Variants in PALLD observed in about 807,000 individuals in gnomAD.
PALLD encodes the protein palladin, cytoskeletal associated protein.
A neutral mutation model predicts 123.5 loss-of-function variants in PALLD; 61 were observed. The observed-to-expected ratio is 0.49, with a 90% CI of 0.40 to 0.61. The LOEUF is 0.61. PALLD is among the 20% of genes least tolerant of loss of function. The pLI, the probability that PALLD is intolerant of heterozygous loss-of-function variation, is 0.00. For synonymous variants in PALLD, 465 were observed against 496.4 expected, an observed-to-expected ratio of 0.94 and a Z score of 0.84; for missense variants, 1,273 against 1,377.0, an observed-to-expected ratio of 0.92 and a Z score of 1.20.
intron 2 of PALLD, among the ~76,000 whole-genome samples, chr4:168,603,697 G>T (rs1772900945): frequency 6.6e-6 from 1 of 152,082 alleles, no homozygotes; most frequent in Non-Finnish European, 1.5e-5. Flanking sequence ...GGCAAGTAAG[G>T]TTCAAAAAAA....
At chr4:168,925,376 G>GAGTT in intron 21 of PALLD, 98 bp downstream of exon 21, 3 of 901,420 alleles carry the variant, frequency 3.3e-6, no homozygotes, top group Non-Finnish European at 5.6e-6. Flanking sequence ...GCATCCTTAG[G>GAGTT]AGTTAACAGT....
chr4:168,638,317 A>G (rs1776552073), intron 2 of PALLD, among the ~76,000 whole-genome samples: 1 of 152,192 alleles, frequency 6.6e-6, no homozygotes, highest in South Asian at 2.1e-4. Context: ...GGCTGTCTCA[A>G]GGCAAAGCTG....
intron 1 of PALLD, among the ~76,000 whole-genome samples, chr4:168,505,245 A>G (rs1326801508): frequency 1.3e-5 from 2 of 152,164 alleles, no homozygotes; most frequent in Non-Finnish European, 2.9e-5. Flanking sequence ...TTCTTTTTCA[A>G]TGTGCAAGCA....
intron 10 of PALLD, among the ~76,000 whole-genome samples, chr4:168,813,465 G>A (rs1232988104): frequency 6.6e-6 from 1 of 152,068 alleles, no homozygotes; most frequent in Admixed American, 6.5e-5. Context: ...TTGATTGGTT[G>A]GTTGATTTTA....
intron 2 of PALLD, among the ~76,000 whole-genome samples, chr4:168,622,300 G>T (rs1561314717): frequency 6.6e-6 from 1 of 152,112 alleles, no homozygotes. Flanking sequence ...AATCACGAGG[G>T]TGCTTTTCTT....
Position 168,877,912 on chromosome 4 carries a change from C to T in PALLD, c.1965-13010C>T. ...AGCCCATGAGCGCGCTGGCCTCCCG[C>T]TCCGCCCCCGCCATGCAGTCCTCCG... is the stretch of plus-strand genomic sequence containing the variant. On this transcript the variant is annotated intron_variant, in intron 10 of 21. Coordinates refer to ENST00000505667, the MANE Select transcript of PALLD (RefSeq NM_001166108.2). 2.0e-6 allele frequency: 3 copies of T among 1,481,360 alleles called. No homozygotes were observed. Among genetic ancestry groups the T allele is most frequent in the Non-Finnish European group, 2.7e-6 (3 of 1,120,858 alleles). 91.8% of individuals were successfully genotyped at this position (1,481,360 alleles called of 1,614,324 possible).
chr4:168,804,454 T>C (rs7681510), intron 10 of PALLD, among the ~76,000 whole-genome samples: 94,447 of 152,110 alleles, frequency 0.62, 29,767 homozygotes, highest in East Asian at 0.83. Context: ...TAAAAAACTT[T>C]GACAGTTGTA....
intron 15 of PALLD, among the ~76,000 whole-genome samples, chr4:168,911,958 T>C (rs1759056667): frequency 6.6e-6 from 1 of 152,142 alleles, no homozygotes; most frequent in South Asian, 2.1e-4. Flanking sequence ...CTCATTCTTC[T>C]CCTGTCTGTA....
intron 2 of PALLD, among the ~76,000 whole-genome samples, chr4:168,517,087 T>C (rs1029900808): frequency 1.3e-5 from 2 of 152,098 alleles, no homozygotes; most frequent in Non-Finnish European, 2.9e-5. Context: ...CAGGAAAACA[T>C]GGCAGCAGGA....
intron 5 of PALLD, among the ~76,000 whole-genome samples, chr4:168,683,552 G>C (rs945983249): frequency 1.3e-5 from 2 of 152,052 alleles, no homozygotes; most frequent in Admixed American, 6.6e-5. Flanking sequence ...ACTTCACCAT[G>C]CTTTTTGATC....
intron 17 of PALLD, among the ~76,000 whole-genome samples, chr4:168,918,412 T>A (rs943800000): frequency 6.6e-6 from 1 of 151,890 alleles, no homozygotes; most frequent in African/African-American, 2.4e-5. Flanking sequence ...GAGGACATAA[T>A]GTTAAGTGAA....
chr4:168,798,744 T>G (rs1561536059), intron 10 of PALLD, among the ~76,000 whole-genome samples: 1 of 152,224 alleles, frequency 6.6e-6, no homozygotes, highest in Non-Finnish European at 1.5e-5. Flanking sequence ...TGTTTTAAAT[T>G]TTTTCAAAAT....
At chr4:168,597,219 AT>A (rs1772080971) in intron 2 of PALLD, among the ~76,000 whole-genome samples, 1 of 152,108 alleles carries the variant, frequency 6.6e-6, no homozygotes, top group Non-Finnish European at 1.5e-5. Context: ...AACCATAAAA[AT>A]ATACCATATA....
At chr4:168,876,062 A>C (rs1360960676) in intron 10 of PALLD, among the ~76,000 whole-genome samples, 1 of 152,258 alleles carries the variant, frequency 6.6e-6, no homozygotes, top group Non-Finnish European at 1.5e-5. Context: ...GAGGAGAGCC[A>C]CACAGATGGC....
chr4:168,531,027 A>G (rs1306099652), intron 2 of PALLD, among the ~76,000 whole-genome samples: 4 of 152,248 alleles, frequency 2.6e-5, no homozygotes, highest in Admixed American at 2.0e-4. Flanking sequence ...TGCAAATTAC[A>G]GAGCATATTT....
At chr4:168,849,325 C>T (rs1249939642) in intron 10 of PALLD, among the ~76,000 whole-genome samples, 7 of 152,188 alleles carry the variant, frequency 4.6e-5, no homozygotes, top group Non-Finnish European at 1.0e-4. Flanking sequence ...TTGTTGTTTG[C>T]TTTTTGAAAA....
intron 9 of PALLD, 46 bp downstream of exon 9, chr4:168,709,193 C>A (rs1474906214): frequency 1.2e-6 from 2 of 1,605,010 alleles, no homozygotes; most frequent in South Asian, 1.1e-5. Context: ...TCCCCAGCAC[C>A]AGTGTGGATG....
intron 10 of PALLD, among the ~76,000 whole-genome samples, chr4:168,721,495 A>G (rs1403267499): frequency 1.3e-5 from 2 of 152,208 alleles, no homozygotes; most frequent in Non-Finnish European, 1.5e-5. Flanking sequence ...AATGTATATT[A>G]TATATTAGAA....
intron 3 of PALLD, among the ~76,000 whole-genome samples, chr4:168,672,607 T>A (rs984168246): frequency 1.4e-4 from 21 of 152,128 alleles, no homozygotes; most frequent in African/African-American, 5.1e-4. Context: ...TACAGGCGCC[T>A]GCCACCACGC....
Sources: gnomAD v4.1 joint callset for allele counts (sites outside exome capture counted in the v4.1 genomes callset) on GRCh38, gnomAD v4.1.1 for gene constraint, MANE v1.5 for transcripts, NCBI Gene and HGNC (gene_info 2026-07-23, HGNC 2026-07-21) for gene names.